AK9: variants seen among roughly 807,000 people sequenced by gnomAD.
The protein encoded by AK9 is adenylate kinase 9, also known as adenylate kinase domain containing 1.
A neutral mutation model predicts 239.6 loss-of-function variants in AK9; 191 were observed. The ratio of observed to expected loss-of-function variants is 0.80; its 90% confidence interval spans 0.71 to 0.90. The LOEUF is 0.90. Among genes scored for constraint, AK9 ranks in the 40% least tolerant of loss-of-function variants. AK9 has a pLI of 0.00. For missense variants in AK9, 1,995 were observed against 2,214.7 expected, an observed-to-expected ratio of 0.90 and a Z score of 1.99; for synonymous variants, 689 against 721.0, an observed-to-expected ratio of 0.96 and a Z score of 0.71.
rs115625589 is a variant in AK9, at chr6:109,571,971, T to A, written c.2344+1471A>T. Reference sequence around the variant, plus strand: ...TTAAAATGTAGATTCCTAAATTCCATCCTAGACTTACTGAACCAGAGCCTG... The same window carrying A: ...TTAAAATGTAGATTCCTAAATTCCAACCTAGACTTACTGAACCAGAGCCTG... On this transcript the variant is annotated intron_variant, in intron 21 of 40. Transcript: ENST00000424296. Among the ~76,000 whole-genome samples, 323 of 152,282 alleles carry A rather than the reference T, an allele frequency of 2.1e-3. 3 individuals are homozygous for A. Among genetic ancestry groups the A allele is most frequent in the African/African-American group, 7.6e-3 (315 of 41,546 alleles).
intron 20 of AK9, among the ~76,000 whole-genome samples, chr6:109,577,138 CT>C (rs1402821701): frequency 6.6e-6 from 1 of 151,956 alleles, no homozygotes; most frequent in Admixed American, 6.6e-5. Context: ...CCATAGATGG[CT>C]TTTATTACCT....
chr6:109,561,643 A>G (rs1347722992), intron 24 of AK9, among the ~76,000 whole-genome samples: 1 of 152,178 alleles, frequency 6.6e-6, no homozygotes, highest in Non-Finnish European at 1.5e-5. Flanking sequence ...AATACATTAA[A>G]GATGTTGCTC....
chr6:109,545,680 G>C (rs1783457136), intron 26 of AK9, among the ~76,000 whole-genome samples, 187 bp downstream of exon 26: 1 of 152,060 alleles, frequency 6.6e-6, no homozygotes, highest in Admixed American at 6.6e-5. Context: ...TTTGTCAGCA[G>C]TGTGAAAATG....
At chr6:109,498,865 A>G (rs1777325169) in intron 36 of AK9, among the ~76,000 whole-genome samples, 179 bp downstream of exon 36, 1 of 152,244 alleles carries the variant, frequency 6.6e-6, no homozygotes, top group African/African-American at 2.4e-5. Flanking sequence ...TTCAAATTAT[A>G]TCCTGGGATG....
At chr6:109,637,567 T>C (rs1796879651) in intron 10 of AK9, among the ~76,000 whole-genome samples, 1 of 152,154 alleles carries the variant, frequency 6.6e-6, no homozygotes, top group Non-Finnish European at 1.5e-5. Context: ...CTGCCTTTGA[T>C]GTCATATCCT....
At chr6:109,577,115 C>T (rs565917147) in intron 20 of AK9, among the ~76,000 whole-genome samples, 169 of 152,260 alleles carry the variant, frequency 1.1e-3, no homozygotes, top group Admixed American at 2.4e-3. Flanking sequence ...CAGGTGTGAG[C>T]CACTGTGCCC....
At chr6:109,518,972 C>CG in intron 29 of AK9, among the ~76,000 whole-genome samples, 1 of 152,226 alleles carries the variant, frequency 6.6e-6, no homozygotes, top group Non-Finnish European at 1.5e-5. Flanking sequence ...AACCCTCCTC[C>CG]TTCTAGGTGT....
intron 32 of AK9, among the ~76,000 whole-genome samples, chr6:109,511,804 T>TA (rs1326390165): frequency 9.9e-5 from 15 of 152,122 alleles, no homozygotes; most frequent in Admixed American, 8.5e-4. Flanking sequence ...TAACAATAAT[T>TA]AGGCTCCTAA....
chr6:109,539,691 A>C (rs1051004596), intron 27 of AK9, among the ~76,000 whole-genome samples: 11 of 151,936 alleles, frequency 7.2e-5, no homozygotes, highest in Non-Finnish European at 1.5e-4. Context: ...GATTTTTAGA[A>C]TTTTCAGCTT....
chr6:109,539,542 G>T (rs1386684194), intron 27 of AK9, among the ~76,000 whole-genome samples: 5 of 152,084 alleles, frequency 3.3e-5, no homozygotes, highest in Admixed American at 1.3e-4. Context: ...TTTGCTATGG[G>T]TTCAAACTTC....
At chr6:109,542,314 G>A (rs1437390658) in intron 26 of AK9, 143 bp from the exon 27 acceptor site, 2 of 720,848 alleles carry the variant, frequency 2.8e-6, no homozygotes, top group South Asian at 2.0e-5. Flanking sequence ...AGGGAAGGGT[G>A]TGTGGTAGGG....
intron 17 of AK9, among the ~76,000 whole-genome samples, chr6:109,603,053 A>C (rs1792274057): frequency 6.6e-6 from 1 of 152,068 alleles, no homozygotes; most frequent in Non-Finnish European, 1.5e-5. Context: ...TGATTGTCTG[A>C]AGCCTTCTTC....
chr6:109,636,304 C>T (rs1796703207), intron 10 of AK9, among the ~76,000 whole-genome samples: 1 of 152,174 alleles, frequency 6.6e-6, no homozygotes, highest in Non-Finnish European at 1.5e-5. Context: ...CTGTGGCTTT[C>T]CTACCCCTTT....
At chr6:109,676,532 T>A (rs951161219) in intron 1 of AK9, among the ~76,000 whole-genome samples, 5 of 152,156 alleles carry the variant, frequency 3.3e-5, no homozygotes, top group Middle Eastern at 6.8e-3. Context: ...AATATTTCTA[T>A]TATGTAAACA....
chr6:109,690,787 AG>A (rs1774265835), intron 1 of AK9: 1 of 153,260 alleles, frequency 6.5e-6, no homozygotes, highest in South Asian at 2.0e-4. Flanking sequence ...ACACTGCGCT[AG>A]TCTCTGTCGA....
At chr6:109,544,161 A>G (rs1334179225) in intron 26 of AK9, among the ~76,000 whole-genome samples, 2 of 152,164 alleles carry the variant, frequency 1.3e-5, no homozygotes, top group Non-Finnish European at 2.9e-5. Context: ...TTCATTACCT[A>G]TTAGAACACC....
chr6:109,567,282 T>A (rs1786687588), intron 21 of AK9, among the ~76,000 whole-genome samples: 1 of 152,038 alleles, frequency 6.6e-6, no homozygotes, highest in African/African-American at 2.4e-5. Flanking sequence ...CAAACTGCCA[T>A]CAGAGAATAC....
chr6:109,551,713 A>C (rs1784381128), intron 24 of AK9, among the ~76,000 whole-genome samples: 1 of 150,396 alleles, frequency 6.6e-6, no homozygotes, highest in Admixed American at 6.6e-5. Flanking sequence ...AATTGATTTT[A>C]TTTGGGGTAA....
At position 109,529,082 on chromosome 6, in the gene AK9, G is replaced by GA. The variant is rs776945522; in HGVS notation, c.3571-10dup. 27 of 1,549,488 alleles carry GA rather than the reference G, an allele frequency of 1.7e-5. No individual in the cohort carries two copies. Among genetic ancestry groups the GA allele is most frequent in the Non-Finnish European group, 2.3e-5 (27 of 1,156,352 alleles). On this transcript the variant is annotated splice_polypyrimidine_tract_variant and intron_variant, in intron 28 of 40. Coordinates refer to ENST00000424296, the MANE Select transcript of AK9 (RefSeq NM_001145128.3). Reference sequence around the variant, plus strand: ...TTAGCAATCGTATCAACCTGTTAAAGAAAGAGACATTAAAAAATTGTAATG... The same window carrying GA: ...TTAGCAATCGTATCAACCTGTTAAAGAAAAGAGACATTAAAAAATTGTAATG...
Sources: gnomAD v4.1 joint callset for allele counts (sites outside exome capture counted in the v4.1 genomes callset) on GRCh38, gnomAD v4.1.1 for gene constraint, MANE v1.5 for transcripts, NCBI Gene and HGNC (gene_info 2026-07-23, HGNC 2026-07-21) for gene names.